CCDC200: variants seen among roughly 807,000 people sequenced by gnomAD.
CCDC200 encodes coiled-coil domain-containing protein 200.
chr17:43,226,884 G>A (rs567578213), intron 1 of CCDC200, among the ~76,000 whole-genome samples: 1 of 152,064 alleles, frequency 6.6e-6, no homozygotes, highest in Admixed American at 6.6e-5. Context: ...TAAATTTACA[G>A]TTGAAAAAGT....
chr17:43,222,766 T>C (rs1022575551), intron 3 of CCDC200, among the ~76,000 whole-genome samples: 6 of 138,656 alleles, frequency 4.3e-5, no homozygotes, highest in African/African-American at 7.8e-5. Flanking sequence ...TTTTGTTTTT[T>C]TTTTTCGTTT....
In CCDC200 at chr17:43,227,389, G is replaced by A. The variant is rs62076431; in HGVS notation, c.105+1061C>T. Among the ~76,000 whole-genome samples, 234 of 152,304 alleles carry A rather than the reference G, an allele frequency of 1.5e-3. 2 individuals carry two copies. The East Asian group carries it at 0.026, about 17-fold the overall frequency. ...TTCACACTTGTCAACATTTTGGGAGGCTGAGGTGGGAGGATTGCTTGAGTC... is the reference window on the plus strand; with the variant it reads ...TTCACACTTGTCAACATTTTGGGAGACTGAGGTGGGAGGATTGCTTGAGTC... On this transcript the variant is annotated intron_variant, in intron 1 of 3. Transcript: ENST00000636331.
intron 2 of CCDC200, 95 bp from the exon 3 acceptor site, chr17:43,223,709 G>T (rs1175213893): frequency 1.3e-5 from 2 of 152,578 alleles, no homozygotes; most frequent in Admixed American, 6.6e-5. Context: ...GACCCAGGGG[G>T]TGATGGGGGT....
intron 1 of CCDC200, among the ~76,000 whole-genome samples, chr17:43,227,152 T>C (rs2057574932): frequency 6.6e-6 from 1 of 151,760 alleles, no homozygotes; most frequent in African/African-American, 2.4e-5. Context: ...CTGATTTTTG[T>C]ATTTTTAGTA....
chr17:43,226,846 C>G lies in CCDC200; in HGVS notation c.105+1604G>C, dbSNP rs2057572718. Reference sequence around the variant, plus strand: ...CTTAATTTGGACACTAAATTTTCATCAAAAATATTTCATTGATTTAGATTT... The same window carrying G: ...CTTAATTTGGACACTAAATTTTCATGAAAAATATTTCATTGATTTAGATTT... On this transcript the variant is annotated intron_variant, in intron 1 of 3. Coordinates refer to ENST00000636331, the MANE Select transcript of CCDC200 (RefSeq NM_001363254.2). Among the ~76,000 whole-genome samples, 4 of 152,074 alleles carry G rather than the reference C, an allele frequency of 2.6e-5. No homozygotes were observed. The South Asian group carries it at 8.3e-4, about 31-fold the overall frequency.
At chr17:43,227,612 G>A (rs1303513973) in intron 1 of CCDC200, among the ~76,000 whole-genome samples, 1 of 151,658 alleles carries the variant, frequency 6.6e-6, no homozygotes, top group Non-Finnish European at 1.5e-5. Context: ...AGTCTCCCCA[G>A]GTAGCTGGAA....
chr17:43,231,183 C>T (rs1221586538), upstream of CCDC200, among the ~76,000 whole-genome samples: 2 of 105,212 alleles, frequency 1.9e-5, no homozygotes, highest in African/African-American at 5.2e-5. Context: ...GCTGAATTGT[C>T]CATGGGGCCC....
In CCDC200 at chr17:43,221,514, G is replaced by A. The variant is rs2057533775; in HGVS notation, c.*57C>T. 6.5e-6 allele frequency: 1 copy of A among 152,678 alleles called. No individual in the cohort carries two copies. Among genetic ancestry groups the A allele is most frequent in the South Asian group, 2.1e-4 (1 of 4,834 alleles). 9.5% of individuals were successfully genotyped at this position (152,678 alleles called of 1,614,324 possible). The stretch of plus-strand genomic sequence containing the variant: ...AGATATTGCTGGATGCTGAGAAGAT[G>A]TGGTTGCTCATCTGCATTTTGGGGA... On this transcript the variant is annotated 3_prime_UTR_variant, in exon 4 of 4. Transcript: ENST00000636331.
intron 1 of CCDC200, among the ~76,000 whole-genome samples, chr17:43,225,793 G>A (rs1413752912): frequency 7.1e-6 from 1 of 140,310 alleles, no homozygotes; most frequent in Non-Finnish European, 1.6e-5. Flanking sequence ...GAGTGCAATG[G>A]CCTGATCTTG....
chr17:43,226,507 C>A (rs1179746235), intron 1 of CCDC200, among the ~76,000 whole-genome samples: 1 of 152,068 alleles, frequency 6.6e-6, no homozygotes, highest in East Asian at 1.9e-4. Flanking sequence ...GTGATTCTCC[C>A]ACTGCAGCCT....
At chr17:43,227,231 G>A (rs75261796) in intron 1 of CCDC200, among the ~76,000 whole-genome samples, 1 of 151,796 alleles carries the variant, frequency 6.6e-6, no homozygotes, top group Non-Finnish European at 1.5e-5. Context: ...CACCTGCCTT[G>A]GCCTCCCAAA....
intron 1 of CCDC200, chr17:43,226,454 G>C (rs113602242): frequency 2.6e-5 from 4 of 152,174 alleles, no homozygotes; most frequent in Admixed American, 2.0e-4. Flanking sequence ...ATATAGTGGC[G>C]TGATCACAAG....
intron 3 of CCDC200, among the ~76,000 whole-genome samples, chr17:43,222,702 C>T (rs1489824267): frequency 6.6e-6 from 1 of 151,516 alleles, no homozygotes; most frequent in Non-Finnish European, 1.5e-5. Flanking sequence ...GCGATCTTCA[C>T]CTTAGCCTCC....
At chr17:43,226,965 T>G (rs1277944441) in intron 1 of CCDC200, among the ~76,000 whole-genome samples, 1 of 152,098 alleles carries the variant, frequency 6.6e-6, no homozygotes, top group African/African-American at 2.4e-5. Flanking sequence ...TTAAAATATT[T>G]ATATTTTTGT....
rs1176223204 is a variant in CCDC200, at chr17:43,225,680, G to GTATATATATATATATATATA, written c.106-1132_106-1131insTATATATATATATATATATA. On this transcript the variant is annotated intron_variant, in intron 1 of 3. Transcript: ENST00000636331. The stretch of plus-strand genomic sequence containing the variant: ...TCCGTCTAAAAAAAAAAAAAAAAAA[G>GTATATATATATATATATATA]TATATATATATATTGCATGCTACAT... Among the ~76,000 whole-genome samples the GTATATATATATATATATATA allele has an allele frequency of 4.3e-3, 72 of 16,652 alleles. 24 individuals are homozygous for GTATATATATATATATATATA. The highest frequency in any genetic ancestry group is 0.02 in the Non-Finnish European group (29 of 1,466). 10.9% of individuals were successfully genotyped at this position (16,652 alleles called of 152,430 possible).
At position 43,223,488 on chromosome 17, in the gene CCDC200, T is replaced by TCACA. The variant is rs1206153712; in HGVS notation, c.480+67_480+68insTGTG. 521 of 80,756 alleles carry TCACA rather than the reference T, an allele frequency of 6.5e-3. 3 individuals carry two copies. The highest frequency in any genetic ancestry group is 0.014 in the South Asian group (23 of 1,648). The allele number at this position is 80,756 out of a possible 1,614,324, so 5.0% of individuals were successfully genotyped here. A position where few individuals can be genotyped will look rare whatever the true frequency, so the allele number is the denominator to read the frequency against. ...CACACACACACACACACTCACACTC[T>TCACA]CTCTCTCTCTCTCTCTTTCTTTCTG... On this transcript the variant is annotated intron_variant, in intron 3 of 3. Transcript: ENST00000636331.
At chr17:43,227,808 ATTAAAT>A (rs1349695366) in intron 1 of CCDC200, among the ~76,000 whole-genome samples, 50 of 152,214 alleles carry the variant, frequency 3.3e-4, no homozygotes, top group African/African-American at 1.1e-3. Flanking sequence ...TAAAAACTAA[ATTAAAT>A]TTATATAACA....
intron 3 of CCDC200, among the ~76,000 whole-genome samples, chr17:43,222,765 T>G (rs765978383): frequency 7.2e-6 from 1 of 139,710 alleles, no homozygotes; most frequent in East Asian, 2.1e-4. Context: ...GTTTTGTTTT[T>G]TTTTTTCGTT....
intron 1 of CCDC200, among the ~76,000 whole-genome samples, chr17:43,227,138 C>G (rs2057574842): frequency 6.6e-6 from 1 of 151,872 alleles, no homozygotes; most frequent in Non-Finnish European, 1.5e-5. Flanking sequence ...GCCACCACGC[C>G]CGGCTGATTT....
Sources: allele counts gnomAD v4.1 joint callset (sites outside exome capture counted in the v4.1 genomes callset), GRCh38; gene constraint gnomAD v4.1.1; transcripts MANE v1.5; gene names NCBI Gene and HGNC (gene_info 2026-07-23, HGNC 2026-07-21).